The following OXR1 variants were observed in gnomAD, a reference collection of about 807,000 sequenced individuals.
OXR1 encodes the protein oxidation resistance 1, also known as oxidation resistance protein 1.
Under a neutral mutation model 104.6 loss-of-function variants are expected in OXR1, and 41 were observed. The ratio of observed to expected loss-of-function variants is 0.39; its 90% CI spans 0.31 to 0.51. The LOEUF is 0.51. Ranked by LOEUF, OXR1 falls within the 20% of genes least tolerant of loss-of-function variation. OXR1 has a pLI of 0.77. For synonymous variants in OXR1, 348 were observed against 348.4 expected, an observed-to-expected ratio of 1.00 and a Z score of 0.01; for missense variants, 955 against 1,031.9, an observed-to-expected ratio of 0.93 and a Z score of 1.02.
At chr8:106,318,051 G>A (rs1446460286) in intron 1 of OXR1, among the ~76,000 whole-genome samples, 3 of 152,132 alleles carry the variant, frequency 2.0e-5, no homozygotes, top group Middle Eastern at 3.4e-3. Flanking sequence ...TTAAACTGTA[G>A]TGTCTTTTCC....
At chr8:106,490,653 A>G (rs1213832524) in intron 2 of OXR1, among the ~76,000 whole-genome samples, 1 of 152,168 alleles carries the variant, frequency 6.6e-6, no homozygotes, top group Non-Finnish European at 1.5e-5. Context: ...GGAATGAGCC[A>G]CTGAACCCAG....
At chr8:106,447,865 T>G in intron 2 of OXR1, 2 of 1,460,650 alleles carry the variant, frequency 1.4e-6, no homozygotes, top group Non-Finnish European at 1.8e-6. Flanking sequence ...TAGATGTTGG[T>G]CTGATACTAG....
At chr8:106,346,705 A>T (rs1815494910) in intron 1 of OXR1, among the ~76,000 whole-genome samples, 1 of 151,692 alleles carries the variant, frequency 6.6e-6, no homozygotes, top group African/African-American at 2.4e-5. Flanking sequence ...CTTCAGTGGT[A>T]CTCTCTGAGG....
intron 2 of OXR1, among the ~76,000 whole-genome samples, chr8:106,415,159 T>A (rs1415032292): frequency 6.6e-6 from 1 of 152,142 alleles, no homozygotes; most frequent in East Asian, 1.9e-4. Flanking sequence ...GCTGTTAAAA[T>A]GCCTTAACAG....
intron 1 of OXR1, among the ~76,000 whole-genome samples, chr8:106,332,932 A>G (rs1286916066): frequency 6.6e-6 from 1 of 152,152 alleles, no homozygotes; most frequent in East Asian, 1.9e-4. Flanking sequence ...TTAGCTTTAC[A>G]TAATGTTCTC....
At chr8:106,685,518 A>G (rs968760893) in intron 6 of OXR1, among the ~76,000 whole-genome samples, 1 of 152,238 alleles carries the variant, frequency 6.6e-6, no homozygotes. Flanking sequence ...CCAGGCCTCA[A>G]CCTGTGTGAA....
intron 3 of OXR1, among the ~76,000 whole-genome samples, chr8:106,611,677 CT>C (rs1820822008): frequency 2.0e-5 from 3 of 152,184 alleles, no homozygotes; most frequent in African/African-American, 7.2e-5. Flanking sequence ...AATCTCTCCC[CT>C]CTGCCCTTTC....
chr8:106,401,845 G>A (rs900262280), intron 2 of OXR1, among the ~76,000 whole-genome samples: 1 of 152,174 alleles, frequency 6.6e-6, no homozygotes, highest in African/African-American at 2.4e-5. Flanking sequence ...TCAGCATAAT[G>A]TCATCAATGT....
rs931862121 is a variant in OXR1 at position 106,298,093 on chromosome 8, C to T, written c.-139+27726C>T. On this transcript the variant is annotated intron_variant, in intron 1 of 16. Transcript: ENST00000517566. ...ATAATAAGTATGATTTGTTTCTCTG[C>T]CTTCTCTATCAGATATGCTTCTGCT... 2.5e-4 allele frequency among the ~76,000 whole-genome samples: 38 copies of T among 152,136 alleles called. 1 individual carries two copies. The highest frequency in any genetic ancestry group is 1.4e-3 in the Admixed American group (21 of 15,272).
chr8:106,681,974 C>G (rs529325635), intron 4 of OXR1, among the ~76,000 whole-genome samples: 2 of 152,300 alleles, frequency 1.3e-5, no homozygotes, highest in South Asian at 2.1e-4. Flanking sequence ...TTAACTATGT[C>G]AGTTCTGTTA....
chr8:106,515,609 A>AT (rs533171254), intron 2 of OXR1, among the ~76,000 whole-genome samples: 1 of 152,016 alleles, frequency 6.6e-6, no homozygotes, highest in South Asian at 2.1e-4. Flanking sequence ...ATGACAAGAT[A>AT]TTTTTTTCAA....
intron 3 of OXR1, among the ~76,000 whole-genome samples, chr8:106,639,635 A>T (rs1185126847): frequency 6.6e-6 from 1 of 152,206 alleles, no homozygotes; most frequent in African/African-American, 2.4e-5. Context: ...TGAGATTTTC[A>T]AGTCTAATTT....
chr8:106,661,317 C>T (rs886337774), intron 3 of OXR1, among the ~76,000 whole-genome samples: 3 of 152,178 alleles, frequency 2.0e-5, no homozygotes, highest in Non-Finnish European at 2.9e-5. Flanking sequence ...CTCTTACCAG[C>T]TTTTAGTGCT....
intron 2 of OXR1, among the ~76,000 whole-genome samples, chr8:106,469,403 T>C (rs1821365592): frequency 6.6e-6 from 1 of 151,840 alleles, no homozygotes; most frequent in African/African-American, 2.4e-5. Context: ...CTGATCCAAT[T>C]GGTCAGAAAT....
In OXR1 at chr8:106,565,108, A is replaced by T. The variant is rs146324263; in HGVS notation, c.220+45969A>T. Among the ~76,000 whole-genome samples, 14 of 152,338 alleles carry T rather than the reference A, an allele frequency of 9.2e-5. No individual in the cohort carries two copies. In the East Asian group the frequency reaches 2.7e-3, roughly 29 times the overall value. On this transcript the variant is annotated intron_variant, in intron 3 of 16. Transcript: ENST00000517566. ...CCCTCCCTCACCACTCCTGTACAAC[A>T]TAGTATTGGAAATTCTGGCCAGGGC...
intron 1 of OXR1, among the ~76,000 whole-genome samples, chr8:106,278,107 T>C (rs1812131185): frequency 6.6e-6 from 1 of 152,232 alleles, no homozygotes; most frequent in South Asian, 2.1e-4. Flanking sequence ...CATTACTGAA[T>C]ATGTGTTTCC....
intron 4 of OXR1, among the ~76,000 whole-genome samples, chr8:106,680,065 T>C (rs1827998629): frequency 6.6e-6 from 1 of 152,108 alleles, no homozygotes; most frequent in Non-Finnish European, 1.5e-5. Context: ...TTGGTTTGAC[T>C]CTTATTTTCC....
intron 3 of OXR1, among the ~76,000 whole-genome samples, chr8:106,586,162 G>C (rs947968992): frequency 6.6e-6 from 1 of 152,184 alleles, no homozygotes; most frequent in African/African-American, 2.4e-5. Context: ...CAGTTAGGAA[G>C]TTATAGCCAT....
At chr8:106,657,659 G>A (rs772233729) in intron 3 of OXR1, 9 of 213,092 alleles carry the variant, frequency 4.2e-5, no homozygotes, top group Non-Finnish European at 6.1e-5. Context: ...TTGCTTAAAA[G>A]CCATCAGTTT....
Sources: allele counts gnomAD v4.1 joint callset (sites outside exome capture counted in the v4.1 genomes callset), GRCh38; gene constraint gnomAD v4.1.1; transcripts MANE v1.5; gene names NCBI Gene and HGNC (gene_info 2026-07-23, HGNC 2026-07-21).